The following RSF1 variants were observed in gnomAD, a reference collection of about 807,000 sequenced individuals.
RSF1 encodes HBV pX-associated protein 8.
A neutral mutation model predicts 145.2 loss-of-function variants in RSF1; 13 were observed. The ratio of observed to expected loss-of-function variants is 0.09; its 90% CI spans 0.06 to 0.14. RSF1 has a LOEUF of 0.14. Ranked by LOEUF, RSF1 falls within the 10% of genes least tolerant of loss-of-function variation. RSF1 has a pLI of 1.00. For synonymous variants in RSF1, 577 were observed against 592.6 expected, an observed-to-expected ratio of 0.97 and a Z score of 0.38; for missense variants, 1,517 against 1,718.2, an observed-to-expected ratio of 0.88 and a Z score of 2.07.
chr11:77,711,740 C>T lies in RSF1; in HGVS notation c.734-9245G>A, dbSNP rs370251578. ...TACTTTCCCTAATGTTAAGAACTTA[C>T]GTAACTAGAGTACAATTACCAAAAC... On this transcript the variant is annotated intron_variant, in intron 5 of 15. Coordinates refer to ENST00000308488, the MANE Select transcript of RSF1 (RefSeq NM_016578.4). 3.9e-4 allele frequency among the ~76,000 whole-genome samples: 60 copies of T among 152,228 alleles called. No individual in the cohort carries two copies. In the East Asian group the frequency reaches 4.0e-3, roughly 10 times the overall value.
chr11:77,726,523 G>A (rs1961057136), intron 4 of RSF1, among the ~76,000 whole-genome samples: 1 of 152,100 alleles, frequency 6.6e-6, no homozygotes, highest in Admixed American at 6.5e-5. Context: ...TAATTTAAAT[G>A]CCACTTACAA....
chr11:77,678,308 C>A (rs1026640821), intron 11 of RSF1, among the ~76,000 whole-genome samples, 155 bp from the exon 12 acceptor site: 1 of 151,844 alleles, frequency 6.6e-6, no homozygotes, highest in Non-Finnish European at 1.5e-5. Context: ...CCTCTGCCTC[C>A]CGGGTTCAAG....
At chr11:77,736,201 C>G (rs762867244) in intron 4 of RSF1, among the ~76,000 whole-genome samples, 1 of 152,234 alleles carries the variant, frequency 6.6e-6, no homozygotes, top group Non-Finnish European at 1.5e-5. Flanking sequence ...AACGTTCTTG[C>G]TCCTGTCAAA....
chr11:77,818,259 C>T (rs1326182127), intron 1 of RSF1, among the ~76,000 whole-genome samples: 5 of 152,050 alleles, frequency 3.3e-5, no homozygotes, highest in Non-Finnish European at 4.4e-5. Context: ...GTCAAAATAC[C>T]TAAAATAAAT....
the RSF1 span, among the ~76,000 whole-genome samples, chr11:77,835,972 A>C: frequency 6.6e-6 from 1 of 152,192 alleles, no homozygotes; most frequent in African/African-American, 2.4e-5. Flanking sequence ...GAATTGAAGA[A>C]TACATGCTGT....
At position 77,679,089 on chromosome 11, in the gene RSF1, C is replaced by CA. The variant is rs199896910; in HGVS notation, c.3066-937dup. 9.0e-3 allele frequency among the ~76,000 whole-genome samples: 1,367 copies of CA among 152,270 alleles called. 22 individuals are homozygous for CA. Among genetic ancestry groups the CA allele is most frequent in the African/African-American group, 0.03 (1,251 of 41,568 alleles). ...ACTACTCAACTCTGCTATTGTAGTG[C>CA]AAAGCAGCTACGGACAACATGTAAG... On this transcript the variant is annotated intron_variant, in intron 11 of 15. Coordinates refer to ENST00000308488, the MANE Select transcript of RSF1 (RefSeq NM_016578.4).
intron 4 of RSF1, among the ~76,000 whole-genome samples, chr11:77,733,150 C>T (rs899283113): frequency 1.8e-4 from 27 of 151,466 alleles, no homozygotes; most frequent in African/African-American, 6.1e-4. Flanking sequence ...AACTGCAAAA[C>T]TTTCCCAAAG....
chr11:77,686,428 A>AAAAAAAAAAAAAG (rs1565148186), intron 9 of RSF1, among the ~76,000 whole-genome samples: 1 of 149,834 alleles, frequency 6.7e-6, no homozygotes, highest in Non-Finnish European at 1.5e-5. Context: ...AAAAAAAAAA[A>AAAAAAAAAAAAAG]GCAGGTGTTT....
At chr11:77,759,121 A>G (rs1478869927) in intron 2 of RSF1, among the ~76,000 whole-genome samples, 2 of 152,124 alleles carry the variant, frequency 1.3e-5, no homozygotes, top group African/African-American at 4.8e-5. Flanking sequence ...GAATTTTTCT[A>G]TATGATATGA....
At chr11:77,830,628 G>A in the RSF1 span, among the ~76,000 whole-genome samples, 2 of 151,858 alleles carry the variant, frequency 1.3e-5, no homozygotes, top group South Asian at 4.2e-4. Context: ...TTATTCCCGC[G>A]TTTGCCCCCC....
intron 1 of RSF1, among the ~76,000 whole-genome samples, chr11:77,819,853 T>C (rs1026415361): frequency 6.6e-6 from 1 of 151,846 alleles, no homozygotes; most frequent in Admixed American, 6.6e-5. Flanking sequence ...TTCGCCCCCC[T>C]ACCGAGAATG....
At chr11:77,717,493 T>C (rs188866941) in intron 5 of RSF1, among the ~76,000 whole-genome samples, 14 of 152,368 alleles carry the variant, frequency 9.2e-5, no homozygotes, top group African/African-American at 2.4e-5. Flanking sequence ...CTATGATCCC[T>C]GTCCTAGATC....
chr11:77,729,523 A>G (rs1424371960), intron 4 of RSF1, among the ~76,000 whole-genome samples: 2 of 152,076 alleles, frequency 1.3e-5, no homozygotes, highest in East Asian at 3.8e-4. Flanking sequence ...GGTAGGTGCT[A>G]AACATTTCAG....
chr11:77,686,100 G>C (rs1959996727), intron 9 of RSF1, among the ~76,000 whole-genome samples: 1 of 152,016 alleles, frequency 6.6e-6, no homozygotes, highest in Non-Finnish European at 1.5e-5. Flanking sequence ...AACCTTTGTT[G>C]ATTTTAATTA....
chr11:77,849,853 C>G, the RSF1 span, among the ~76,000 whole-genome samples: 4 of 152,148 alleles, frequency 2.6e-5, no homozygotes, highest in African/African-American at 9.7e-5. Context: ...TTTGCATTAT[C>G]TCCTCTATGA....
chr11:77,744,531 C>G (rs763883141), intron 3 of RSF1, among the ~76,000 whole-genome samples: 3 of 152,116 alleles, frequency 2.0e-5, no homozygotes, highest in Non-Finnish European at 4.4e-5. Flanking sequence ...TGTTGAACTC[C>G]TGGGCTAAAG....
At chr11:77,720,482 A>G (rs1960917535) in intron 5 of RSF1, among the ~76,000 whole-genome samples, 1 of 152,192 alleles carries the variant, frequency 6.6e-6, no homozygotes, top group Admixed American at 6.5e-5. Flanking sequence ...TTATCACCTA[A>G]ATTAAGACAA....
chr11:77,790,825 G>C (rs1057248830), intron 1 of RSF1, among the ~76,000 whole-genome samples: 2 of 152,186 alleles, frequency 1.3e-5, no homozygotes, highest in African/African-American at 4.8e-5. Context: ...TGCAAAAGAT[G>C]GGTTCCCATG....
chr11:77,725,441 A>T, intron 5 of RSF1, 104 bp downstream of exon 5: 1 of 1,006,294 alleles, frequency 9.9e-7, no homozygotes, highest in Middle Eastern at 3.1e-4. Flanking sequence ...AAGGCTCCCA[A>T]TTCAAATTGA....
Sources: allele counts gnomAD v4.1 joint callset (sites outside exome capture counted in the v4.1 genomes callset), GRCh38; gene constraint gnomAD v4.1.1; transcripts MANE v1.5; gene names NCBI Gene and HGNC (gene_info 2026-07-23, HGNC 2026-07-21).